The following RGS6 variants were observed in gnomAD, a reference collection of about 807,000 sequenced individuals.
RGS6 encodes the protein regulator of G protein signaling 6.
Under a neutral mutation model 78.5 loss-of-function variants are expected in RGS6, and 30 were observed. That is an observed-to-expected ratio of 0.38 (90% CI 0.29 to 0.52). RGS6 has a LOEUF of 0.52. RGS6 is among the 20% of genes least tolerant of loss of function. The pLI is 0.85. For synonymous variants in RGS6, 206 were observed against 206.0 expected, an observed-to-expected ratio of 1.00 and a Z score of 0.00; for missense variants, 495 against 609.7, an observed-to-expected ratio of 0.81 and a Z score of 1.98.
chr14:72,260,750 T>G (rs1454792848), intron 2 of RGS6, among the ~76,000 whole-genome samples: 6 of 152,162 alleles, frequency 3.9e-5, no homozygotes, highest in Admixed American at 3.9e-4. Flanking sequence ...ACAGCGATGA[T>G]TTTAGGGATC....
At chr14:72,547,128 C>T in intron 17 of RGS6, 1 of 1,528,342 alleles carries the variant, frequency 6.5e-7, no homozygotes, top group Non-Finnish European at 8.8e-7. Flanking sequence ...GCCGACCACT[C>T]AGAAGACAGG....
chr14:72,577,616 G>C, the RGS6 span, among the ~76,000 whole-genome samples: 1 of 152,202 alleles, frequency 6.6e-6, no homozygotes, highest in African/African-American at 2.4e-5. Context: ...GTCCATGTAC[G>C]TAATGAAAAT....
At chr14:72,559,719 C>A (rs1040219209) in intron 17 of RGS6, among the ~76,000 whole-genome samples, 1 of 152,204 alleles carries the variant, frequency 6.6e-6, no homozygotes, top group Non-Finnish European at 1.5e-5. Flanking sequence ...GAAATAAAAG[C>A]AGTCGGGGGA....
At chr14:72,519,277 T>C (rs1486806475) in intron 15 of RGS6, among the ~76,000 whole-genome samples, 2 of 152,178 alleles carry the variant, frequency 1.3e-5, no homozygotes, top group African/African-American at 4.8e-5. Flanking sequence ...GAGGTGCCAT[T>C]TCTAAAAATA....
At chr14:72,496,380 C>T (rs1339238442) in intron 13 of RGS6, among the ~76,000 whole-genome samples, 1 of 152,214 alleles carries the variant, frequency 6.6e-6, no homozygotes, top group Non-Finnish European at 1.5e-5. Flanking sequence ...AACATTAGAG[C>T]ACGTTACATC....
intron 2 of RGS6, among the ~76,000 whole-genome samples, chr14:72,336,811 G>C (rs2076108015): frequency 6.6e-6 from 1 of 152,068 alleles, no homozygotes; most frequent in African/African-American, 2.4e-5. Context: ...GGGGCTGCCA[G>C]GAAAGGATCT....
chr14:72,369,551 A>AT (rs1166356375), intron 3 of RGS6, among the ~76,000 whole-genome samples: 2 of 152,120 alleles, frequency 1.3e-5, no homozygotes, highest in East Asian at 1.9e-4. Context: ...TGACACAATG[A>AT]TTTTTTTTAG....
the RGS6 span, among the ~76,000 whole-genome samples, chr14:71,877,320 C>T: frequency 1.1e-4 from 17 of 152,204 alleles, no homozygotes; most frequent in South Asian, 4.1e-4. Flanking sequence ...ACCAATCAGA[C>T]GAAGATTTGG....
At chr14:72,529,513 G>A (rs1431014534) in intron 15 of RGS6, among the ~76,000 whole-genome samples, 1 of 152,102 alleles carries the variant, frequency 6.6e-6, no homozygotes, top group Non-Finnish European at 1.5e-5. Flanking sequence ...GAGAAGATGA[G>A]AGTGGTGTCC....
intron 2 of RGS6, among the ~76,000 whole-genome samples, chr14:72,135,968 T>C (rs1282827503): frequency 1.3e-5 from 2 of 152,168 alleles, no homozygotes; most frequent in Non-Finnish European, 2.9e-5. Flanking sequence ...ATTTTCTTCT[T>C]GTTCCAAGGT....
chr14:72,190,289 G>A (rs945077559), intron 2 of RGS6, among the ~76,000 whole-genome samples: 9 of 152,242 alleles, frequency 5.9e-5, no homozygotes, highest in Non-Finnish European at 1.0e-4. Flanking sequence ...ACACTCTGCA[G>A]ACAATTTCAG....
rs149062876 is a variant in RGS6, at chr14:72,402,083, G to C, written c.184+49889G>C. 3.0e-3 allele frequency among the ~76,000 whole-genome samples: 450 copies of C among 152,268 alleles called. 1 individual carries two copies. Among genetic ancestry groups the C allele is most frequent in the African/African-American group, 0.01 (421 of 41,572 alleles). On this transcript the variant is annotated intron_variant, in intron 3 of 17. Coordinates refer to ENST00000553525, the MANE Select transcript of RGS6 (RefSeq NM_001204424.2). ...TGGAGCCCAGCCAATCCGTGGGATCGGGCAGGAAGGGAGCTGACCCACTGT... is the reference window on the plus strand; with the variant it reads ...TGGAGCCCAGCCAATCCGTGGGATCCGGCAGGAAGGGAGCTGACCCACTGT...
rs74060438 is a variant in RGS6 at position 71,987,202 on chromosome 14, A to C, written c.84+22327A>C. ...CATAGCTAGGGAGGAGGTACGCTGA[A>C]GTTTTGTTTTTCCTTCCTGTATTTG... On this transcript the variant is annotated intron_variant, in intron 2 of 17. Transcript: ENST00000553525. Among the ~76,000 whole-genome samples, 1,320 of 152,274 alleles carry C rather than the reference A, an allele frequency of 8.7e-3. 16 individuals carry two copies. The highest frequency in any genetic ancestry group is 0.03 in the African/African-American group (1,247 of 41,542).
At chr14:72,211,644 T>TTAAGTTCCC (rs1301049481) in intron 2 of RGS6, among the ~76,000 whole-genome samples, 1 of 152,152 alleles carries the variant, frequency 6.6e-6, no homozygotes, top group Non-Finnish European at 1.5e-5. Context: ...ATAGATAATG[T>TTAAGTTCCC]TAAGTTCCCA....
At chr14:72,541,786 A>G (rs919105956) in intron 17 of RGS6, among the ~76,000 whole-genome samples, 1 of 152,226 alleles carries the variant, frequency 6.6e-6, no homozygotes, top group South Asian at 2.1e-4. Flanking sequence ...CGGGTGTGAG[A>G]GGGGAAGCCT....
chr14:72,055,248 C>T (rs1048925718), intron 2 of RGS6, among the ~76,000 whole-genome samples: 1 of 152,150 alleles, frequency 6.6e-6, no homozygotes, highest in Non-Finnish European at 1.5e-5. Flanking sequence ...ACACTTCCAC[C>T]AGAGGTGCAG....
chr14:71,870,371 A>G, the RGS6 span, among the ~76,000 whole-genome samples: 1 of 152,132 alleles, frequency 6.6e-6, no homozygotes, highest in African/African-American at 2.4e-5. Flanking sequence ...CTACCTCCTT[A>G]TGAGATACCC....
intron 12 of RGS6, among the ~76,000 whole-genome samples, chr14:72,481,424 T>TC (rs1566950545): frequency 1.3e-5 from 2 of 152,124 alleles, no homozygotes; most frequent in African/African-American, 4.8e-5. Flanking sequence ...ACCCTCTGTC[T>TC]CCCCCCAGTC....
intron 15 of RGS6, among the ~76,000 whole-genome samples, chr14:72,534,066 AAG>A (rs2097214760): frequency 6.6e-6 from 1 of 152,240 alleles, no homozygotes; most frequent in African/African-American, 2.4e-5. Context: ...TTGCGAAAGG[AAG>A]AGTCAATTGA....
Sources: gnomAD v4.1 joint callset for allele counts (sites outside exome capture counted in the v4.1 genomes callset) on GRCh38, gnomAD v4.1.1 for gene constraint, MANE v1.5 for transcripts, NCBI Gene and HGNC (gene_info 2026-07-23, HGNC 2026-07-21) for gene names.